RANBP17: variants seen among roughly 807,000 people sequenced by gnomAD.
The protein encoded by RANBP17 is RAN binding protein 17, also known as ran-binding protein 17.
RANBP17 carries 158 observed loss-of-function variants against 141.2 expected under a neutral mutation model. That is an observed-to-expected ratio of 1.12 (90% CI 0.98 to 1.28). RANBP17 has a LOEUF of 1.28. Among genes scored for constraint, RANBP17 ranks in the 50% most tolerant of loss-of-function variants. The pLI is 0.00. For synonymous variants in RANBP17, 430 were observed against 450.0 expected, an observed-to-expected ratio of 0.96 and a Z score of 0.56; for missense variants, 1,438 against 1,290.7, an observed-to-expected ratio of 1.11 and a Z score of -1.75.
intron 5 of RANBP17, among the ~76,000 whole-genome samples, chr5:170,901,985 GAC>G (rs2127404552): frequency 6.6e-6 from 1 of 152,264 alleles, no homozygotes; most frequent in Admixed American, 6.5e-5. Context: ...TGGTGAATCT[GAC>G]GATTATGTGT....
intron 16 of RANBP17, among the ~76,000 whole-genome samples, chr5:171,177,535 C>T (rs1473059923): frequency 2.0e-5 from 3 of 152,126 alleles, no homozygotes; most frequent in Non-Finnish European, 4.4e-5. Context: ...TTACCTACCC[C>T]TTGATAACCT....
chr5:171,037,335 T>C (rs879430911), intron 14 of RANBP17, among the ~76,000 whole-genome samples: 4 of 152,092 alleles, frequency 2.6e-5, no homozygotes, highest in Non-Finnish European at 5.9e-5. Context: ...TGTCATAAAG[T>C]TTGGATATTA....
At chr5:171,035,737 GTTTTTTT>G (rs781327156) in intron 14 of RANBP17, among the ~76,000 whole-genome samples, 2 of 95,396 alleles carry the variant, frequency 2.1e-5, no homozygotes, top group Non-Finnish European at 4.9e-5. Flanking sequence ...TTCTTTTTTT[GTTTTTTT>G]TTTTTTTTTT....
intron 14 of RANBP17, among the ~76,000 whole-genome samples, chr5:171,049,813 G>A (rs1782837586): frequency 6.6e-6 from 1 of 152,020 alleles, no homozygotes; most frequent in Non-Finnish European, 1.5e-5. Context: ...ACTCTTTTTT[G>A]TTCCATTGGT....
At chr5:170,946,283 AATT>A (rs1220144791) in intron 12 of RANBP17, among the ~76,000 whole-genome samples, 1 of 152,136 alleles carries the variant, frequency 6.6e-6, no homozygotes, top group Non-Finnish European at 1.5e-5. Context: ...ACAGGAAGGT[AATT>A]ATTTACATTT....
At chr5:171,225,684 G>A (rs1763839941) in intron 22 of RANBP17, among the ~76,000 whole-genome samples, 1 of 152,174 alleles carries the variant, frequency 6.6e-6, no homozygotes, top group Non-Finnish European at 1.5e-5. Context: ...GTTCTTCTCT[G>A]ATCACCTCTC....
chr5:170,998,269 T>C (rs1778967737), intron 14 of RANBP17, among the ~76,000 whole-genome samples: 1 of 151,752 alleles, frequency 6.6e-6, no homozygotes, highest in African/African-American at 2.4e-5. Context: ...GATTTTTGAA[T>C]ATAGCATTTT....
chr5:170,878,178 C>G lies in RANBP17; in HGVS notation c.100C>G (p.Leu34Val). The change falls in exon 2 of 28, where the codon CTC becomes GTC. Residue 34 changes from leucine (L) to valine (V), a missense_variant. By Grantham distance (32) the Leu-to-Val change is conservative. Transcript: ENST00000523189. ...ACAAAGAATAGAGGCTGAGAAAGCA[C>G]TCTTGGAACTTATTGACAGTCCAGA... The part of the protein sequence containing the change: ...LTQRIEAEKA[L>V]LELIDSPECL... 6.2e-7 allele frequency: 1 copy of G among 1,612,986 alleles called. No homozygotes were observed.
At chr5:170,867,892 C>G (rs569680694) in intron 1 of RANBP17, among the ~76,000 whole-genome samples, 2 of 152,168 alleles carry the variant, frequency 1.3e-5, no homozygotes, top group Admixed American at 6.5e-5. Flanking sequence ...CTCTTGTGCC[C>G]CTTTGTAATC....
intron 12 of RANBP17, 83 bp downstream of exon 12, chr5:170,924,633 T>G: frequency 1.1e-6 from 1 of 919,368 alleles, no homozygotes; most frequent in Non-Finnish European, 1.6e-6. Context: ...TTACTGCAAG[T>G]TATTTTTATG....
intron 14 of RANBP17, among the ~76,000 whole-genome samples, chr5:171,045,200 A>G (rs1782498492): frequency 6.6e-6 from 1 of 152,084 alleles, no homozygotes; most frequent in South Asian, 2.1e-4. Context: ...AAAAGAAAAC[A>G]TTATTTCTAG....
At chr5:170,919,703 T>A (rs566561979) in intron 11 of RANBP17, 90 bp downstream of exon 11, 135 of 949,206 alleles carry the variant, frequency 1.4e-4, no homozygotes, top group Non-Finnish European at 2.0e-4. Flanking sequence ...TCACCCCTTT[T>A]AGCGTACAGT....
At chr5:170,933,688 G>T (rs2127462116) in intron 12 of RANBP17, among the ~76,000 whole-genome samples, 1 of 152,280 alleles carries the variant, frequency 6.6e-6, no homozygotes, top group Non-Finnish European at 1.5e-5. Flanking sequence ...AGTCATTCAG[G>T]AGCAGGTTGT....
chr5:171,157,058 AAGG>A (rs1758952968), intron 14 of RANBP17, among the ~76,000 whole-genome samples: 1 of 152,166 alleles, frequency 6.6e-6, no homozygotes. Context: ...TTGTATTTTA[AAGG>A]AGGTTTTTAA....
At chr5:171,116,206 T>A (rs1011070854) in intron 14 of RANBP17, among the ~76,000 whole-genome samples, 3 of 152,206 alleles carry the variant, frequency 2.0e-5, no homozygotes, top group Non-Finnish European at 4.4e-5. Context: ...ATAAAAAATG[T>A]ATTTTTATAA....
intron 26 of RANBP17, among the ~76,000 whole-genome samples, chr5:171,294,938 C>T (rs1464949397): frequency 6.6e-6 from 1 of 152,170 alleles, no homozygotes; most frequent in Non-Finnish European, 1.5e-5. Context: ...GTGTGAGTCA[C>T]TGCATCATTA....
chr5:171,112,064 C>T (rs972168157), intron 14 of RANBP17, among the ~76,000 whole-genome samples: 6 of 152,150 alleles, frequency 3.9e-5, no homozygotes, highest in Admixed American at 3.9e-4. Context: ...ATAGCAAAGT[C>T]ATCTTGTCCT....
chr5:171,198,816 G>A (rs906837996), intron 18 of RANBP17, among the ~76,000 whole-genome samples: 1 of 152,202 alleles, frequency 6.6e-6, no homozygotes, highest in African/African-American at 2.4e-5. Context: ...TCCACCTTAA[G>A]CAAGACACTT....
intron 14 of RANBP17, chr5:170,968,817 G>A: frequency 4.7e-6 from 2 of 425,418 alleles, no homozygotes. Flanking sequence ...GTGTCCTTAG[G>A]AGACTGCATA....
Sources: allele counts gnomAD v4.1 joint callset (sites outside exome capture counted in the v4.1 genomes callset), GRCh38; gene constraint gnomAD v4.1.1; transcripts MANE v1.5; gene names NCBI Gene and HGNC (gene_info 2026-07-23, HGNC 2026-07-21).